CDH12: variants seen among roughly 807,000 people sequenced by gnomAD.
CDH12 encodes cadherin-12.
CDH12 carries 41 observed loss-of-function variants against 74.1 expected under a neutral mutation model. The observed-to-expected ratio is 0.55, with a 90% CI of 0.43 to 0.72. The LOEUF (loss-of-function observed/expected upper bound fraction) is 0.72, where lower values mean the gene tolerates loss of function less well. Among genes scored for constraint, CDH12 ranks in the 30% least tolerant of loss-of-function variants. The pLI, the probability that CDH12 is intolerant of heterozygous loss-of-function variation, is 0.00. For synonymous variants in CDH12, 399 were observed against 355.0 expected (o/e 1.12, Z -1.39); for missense variants, 945 against 977.2 (o/e 0.97, Z 0.44).
chr5:22,136,839 T>C (rs1279083179), intron 4 of CDH12, among the ~76,000 whole-genome samples: 1 of 151,794 alleles, frequency 6.6e-6, no homozygotes, highest in African/African-American at 2.4e-5. Flanking sequence ...AATCTGCTAT[T>C]GTGATGAAGC....
chr5:22,329,804 A>T lies in CDH12; in HGVS notation c.-333+75453T>A, dbSNP rs574917390. On this transcript the variant is annotated intron_variant, in intron 3 of 14. Coordinates refer to ENST00000382254, the MANE Select transcript of CDH12 (RefSeq NM_004061.5). Reference sequence around the variant, plus strand: ...CCCACACATGGAGGGAGCATTTTTGACCAGCCCTAGCCAGAGAGGATTCAT... The same window carrying T: ...CCCACACATGGAGGGAGCATTTTTGTCCAGCCCTAGCCAGAGAGGATTCAT... 1.8e-4 allele frequency among the ~76,000 whole-genome samples: 27 copies of T among 152,306 alleles called. 1 individual carries two copies. Among genetic ancestry groups the T allele is most frequent in the African/African-American group, 6.5e-4 (27 of 41,578 alleles).
At chr5:22,414,167 A>G (rs1335608433) in intron 2 of CDH12, among the ~76,000 whole-genome samples, 2 of 152,036 alleles carry the variant, frequency 1.3e-5, no homozygotes, top group African/African-American at 4.8e-5. Context: ...TTAAAACTCA[A>G]TGGAGGTCTG....
chr5:22,446,189 C>T (rs1744808972), intron 2 of CDH12, among the ~76,000 whole-genome samples: 1 of 152,074 alleles, frequency 6.6e-6, no homozygotes. Context: ...TCAGGAGACA[C>T]ATGTCAGTTC....
chr5:22,330,989 C>T (rs1224376350), intron 3 of CDH12, among the ~76,000 whole-genome samples: 1 of 152,026 alleles, frequency 6.6e-6, no homozygotes, highest in Admixed American at 6.5e-5. Flanking sequence ...CTTTGGGCTT[C>T]AGGTGAACAT....
chr5:21,933,838 T>A (rs1413019524), intron 6 of CDH12, among the ~76,000 whole-genome samples: 1 of 152,172 alleles, frequency 6.6e-6, no homozygotes, highest in Non-Finnish European at 1.5e-5. Flanking sequence ...GAGAATTCAT[T>A]ACACATTTGT....
intron 10 of CDH12, among the ~76,000 whole-genome samples, chr5:21,786,113 C>T (rs1038530140): frequency 6.6e-6 from 1 of 152,134 alleles, no homozygotes; most frequent in African/African-American, 2.4e-5. Flanking sequence ...ACAAATGGAA[C>T]AACAAAGCCT....
intron 6 of CDH12, among the ~76,000 whole-genome samples, chr5:21,971,330 T>C (rs1756845339): frequency 6.6e-6 from 1 of 151,996 alleles, no homozygotes; most frequent in African/African-American, 2.4e-5. Flanking sequence ...TCCACAGGGG[T>C]TATTAAGTTT....
At chr5:21,998,104 G>A (rs1449691373) in intron 5 of CDH12, among the ~76,000 whole-genome samples, 3 of 151,942 alleles carry the variant, frequency 2.0e-5, no homozygotes, top group Non-Finnish European at 4.4e-5. Flanking sequence ...ATCAATGTTT[G>A]GAGTATATAT....
chr5:22,776,562 G>A (rs2126330865), intron 1 of CDH12, among the ~76,000 whole-genome samples: 1 of 152,228 alleles, frequency 6.6e-6, no homozygotes, highest in Non-Finnish European at 1.5e-5. Flanking sequence ...AACACTCTGA[G>A]ATGAGGAAGG....
chr5:21,940,772 T>C (rs1755293266), intron 6 of CDH12, among the ~76,000 whole-genome samples: 1 of 152,152 alleles, frequency 6.6e-6, no homozygotes, highest in South Asian at 2.1e-4. Flanking sequence ...ATAATCCACG[T>C]GTAATTGTCA....
intron 4 of CDH12, among the ~76,000 whole-genome samples, chr5:22,081,190 G>C (rs1370447653): frequency 6.6e-6 from 1 of 152,068 alleles, no homozygotes; most frequent in African/African-American, 2.4e-5. Flanking sequence ...AATACAGTTT[G>C]AATCACAAAC....
At chr5:22,242,404 T>A (rs1385274467) in intron 3 of CDH12, among the ~76,000 whole-genome samples, 2 of 152,178 alleles carry the variant, frequency 1.3e-5, no homozygotes, top group Admixed American at 1.3e-4. Flanking sequence ...AACTCCTCAT[T>A]TTAGCTAGGA....
intron 1 of CDH12, among the ~76,000 whole-genome samples, chr5:22,831,957 A>G (rs1363045785): frequency 6.6e-6 from 1 of 152,152 alleles, no homozygotes; most frequent in Non-Finnish European, 1.5e-5. Flanking sequence ...TTTGAAAGGT[A>G]CTTAGAATTC....
At chr5:22,587,216 G>C (rs554068975) in intron 1 of CDH12, among the ~76,000 whole-genome samples, 7 of 152,042 alleles carry the variant, frequency 4.6e-5, no homozygotes, top group Admixed American at 2.6e-4. Flanking sequence ...TGCAGGAGTG[G>C]GTTAGTTACA....
At chr5:22,217,291 TA>T (rs1377646477) in intron 3 of CDH12, among the ~76,000 whole-genome samples, 6 of 151,856 alleles carry the variant, frequency 4.0e-5, no homozygotes, top group African/African-American at 1.4e-4. Flanking sequence ...GAATGGATGT[TA>T]GCCATCCTCT....
At chr5:21,894,776 G>A (rs900502483) in intron 6 of CDH12, among the ~76,000 whole-genome samples, 2 of 151,984 alleles carry the variant, frequency 1.3e-5, no homozygotes, top group South Asian at 2.1e-4. Flanking sequence ...TGTAAAAGGG[G>A]TAACCCTTGG....
chr5:22,623,851 T>C (rs1738120430), intron 1 of CDH12, among the ~76,000 whole-genome samples: 2 of 152,098 alleles, frequency 1.3e-5, no homozygotes, highest in South Asian at 4.1e-4. Flanking sequence ...GAGCCCGCAT[T>C]GCCAAGACAA....
intron 6 of CDH12, among the ~76,000 whole-genome samples, chr5:21,855,971 A>T (rs2150002275): frequency 6.6e-6 from 1 of 151,880 alleles, no homozygotes; most frequent in South Asian, 2.1e-4. Context: ...CTTTCAGTTT[A>T]AAATGGTTGA....
intron 1 of CDH12, among the ~76,000 whole-genome samples, chr5:22,799,237 G>C (rs1187387066): frequency 2.0e-5 from 3 of 152,068 alleles, no homozygotes; most frequent in Non-Finnish European, 2.9e-5. Context: ...AATTTCTAAG[G>C]AGAACAGTAT....
Sources: gnomAD v4.1 joint callset for allele counts (sites outside exome capture counted in the v4.1 genomes callset) on GRCh38, gnomAD v4.1.1 for gene constraint, MANE v1.5 for transcripts, NCBI Gene and HGNC (gene_info 2026-07-23, HGNC 2026-07-21) for gene names.